Variants in DHX35 observed in about 807,000 individuals in gnomAD.
The protein encoded by DHX35 is probable ATP-dependent RNA helicase DHX35.
Under a neutral mutation model 99.6 loss-of-function variants are expected in DHX35, and 84 were observed. The observed-to-expected ratio is 0.84, with a 90% CI of 0.71 to 1.01. The LOEUF is 1.01. DHX35 is among the 50% of genes least tolerant of loss of function. The pLI is 0.00. For synonymous variants in DHX35, 331 were observed against 316.2 expected, an observed-to-expected ratio of 1.05 and a Z score of -0.50; for missense variants, 852 against 888.5, an observed-to-expected ratio of 0.96 and a Z score of 0.52.
At chr20:38,993,421 G>A (rs1029074102) in intron 7 of DHX35, among the ~76,000 whole-genome samples, 3 of 152,136 alleles carry the variant, frequency 2.0e-5, no homozygotes, top group Non-Finnish European at 4.4e-5. Flanking sequence ...ATACAATGGC[G>A]TGATCTTGGC....
intron 19 of DHX35, 127 bp downstream of exon 19, chr20:39,028,626 A>G: frequency 9.2e-7 from 1 of 1,085,418 alleles, no homozygotes; most frequent in South Asian, 1.5e-5. Context: ...TCTCCTTCCA[A>G]AACTGAGTTG....
At chr20:38,968,238 C>T (rs138886762) in intron 1 of DHX35, among the ~76,000 whole-genome samples, 13 of 152,230 alleles carry the variant, frequency 8.5e-5, no homozygotes, top group Middle Eastern at 3.4e-3. Flanking sequence ...TGCCGGCAGC[C>T]GTCTTTCCAG....
At position 39,023,749 on chromosome 20, in the gene DHX35, A is replaced by G. The variant is rs544025837; in HGVS notation, c.1653A>G (p.Ile551Met). The change falls in exon 17 of 22, where the codon ATA becomes ATG. Residue 551 changes from isoleucine to methionine, a missense_variant. Coordinates refer to ENST00000252011, the MANE Select transcript of DHX35 (RefSeq NM_021931.4). ...EEGDHLTMLN[I>M]YEAFIKHNKD... ...GCGACCACCTCACTATGCTCAATAT[A>G]TATGAAGCATTTATCAAAGTAAGCA... The G allele has an allele frequency of 7.4e-6, 12 of 1,614,026 alleles. No individual in the cohort carries two copies. Among genetic ancestry groups the G allele is most frequent in the Admixed American group, 5.0e-5 (3 of 60,022 alleles).
intron 4 of DHX35, among the ~76,000 whole-genome samples, chr20:38,986,507 C>T (rs2086251095): frequency 6.6e-6 from 1 of 152,092 alleles, no homozygotes; most frequent in African/African-American, 2.4e-5. Context: ...AATTTATGCT[C>T]ATTTTTTTAA....
At chr20:38,990,080 C>T (rs984560588) in intron 5 of DHX35, among the ~76,000 whole-genome samples, 3 of 152,142 alleles carry the variant, frequency 2.0e-5, no homozygotes, top group African/African-American at 7.2e-5. Flanking sequence ...GAATATTTTT[C>T]TGTACCATCA....
chr20:39,004,420 A>C (rs1442767094), intron 11 of DHX35, among the ~76,000 whole-genome samples: 1 of 152,218 alleles, frequency 6.6e-6, no homozygotes, highest in African/African-American at 2.4e-5. Flanking sequence ...AGTAGTTATC[A>C]GATCAGGTGA....
At chr20:38,970,889 TTA>T (rs1451300124) in intron 2 of DHX35, among the ~76,000 whole-genome samples, 1 of 145,242 alleles carries the variant, frequency 6.9e-6, no homozygotes, top group Non-Finnish European at 1.5e-5. Flanking sequence ...GTTTATGAAA[TTA>T]AAATGGTAAG....
At chr20:39,001,686 C>G (rs1568737316) in intron 8 of DHX35, 44 bp from the exon 9 acceptor site, 1 of 1,505,506 alleles carries the variant, frequency 6.6e-7, no homozygotes, top group East Asian at 2.3e-5. Context: ...CGCTACGAAC[C>G]TTTTTTTCTA....
intron 1 of DHX35, chr20:38,962,661 C>T (rs2085851323): frequency 5.8e-6 from 3 of 521,630 alleles, no homozygotes; most frequent in South Asian, 5.0e-5. Flanking sequence ...GCCTCGTCTT[C>T]CTCGTTACTG....
chr20:39,017,916 A>G (rs527712011), intron 14 of DHX35, among the ~76,000 whole-genome samples: 1 of 152,304 alleles, frequency 6.6e-6, no homozygotes, highest in East Asian at 1.9e-4. Flanking sequence ...AAGACCGGGT[A>G]ATTTATAAAG....
In DHX35 at chr20:39,010,327, C is replaced by T. The variant is rs778870843; in HGVS notation, c.1270C>T (p.Arg424Cys). 6.8e-6 allele frequency: 11 copies of T among 1,613,990 alleles called. No individual in the cohort carries two copies. Among genetic ancestry groups the T allele is most frequent in the Admixed American group, 1.7e-5 (1 of 59,990 alleles). ...LPQSTVPEMQ[R>C]SNLAPVILQL... ...TCAGTCTACGGTTCCTGAGATGCAG[C>T]GTAGTAATTTGGCACCTGTCATCCT... Residue 424 changes from arginine (R) to cysteine (C), a missense_variant, in exon 13 of 22, where the codon CGT becomes TGT. Transcript: ENST00000252011.
intron 3 of DHX35, chr20:38,978,087 A>G: frequency 5.3e-6 from 4 of 761,506 alleles, no homozygotes; most frequent in South Asian, 4.0e-5. Context: ...AGTGCTGTCC[A>G]CTAATATGCA....
At chr20:38,981,900 C>T (rs903727388) in intron 3 of DHX35, among the ~76,000 whole-genome samples, 1 of 147,576 alleles carries the variant, frequency 6.8e-6, no homozygotes, top group East Asian at 2.0e-4. Flanking sequence ...GCCGAGATCA[C>T]GCCATTGCAC....
chr20:39,015,155 C>T (rs1011346562), intron 14 of DHX35, among the ~76,000 whole-genome samples: 4 of 152,124 alleles, frequency 2.6e-5, no homozygotes, highest in South Asian at 4.1e-4. Context: ...CATGCCAGTT[C>T]GTCAGAAGCT....
rs367959565 is a variant in DHX35 at position 39,021,959 on chromosome 20, T to C, written c.1593+24T>C. Reference sequence around the variant, plus strand: ...CAGTAAGTCAGCTCTGTCCCCAGGCTGTCTGTACCAGTCTCTTTTGCTTTG... The same window carrying C: ...CAGTAAGTCAGCTCTGTCCCCAGGCCGTCTGTACCAGTCTCTTTTGCTTTG... On this transcript the variant is annotated intron_variant, in intron 16 of 21. Transcript: ENST00000252011. The C allele has an allele frequency of 2.4e-5, 39 of 1,611,100 alleles. No individual in the cohort carries two copies. The African/African-American group carries it at 4.7e-4, about 19-fold the overall frequency.
At chr20:38,996,629 G>A (rs1330056463) in intron 8 of DHX35, among the ~76,000 whole-genome samples, 1 of 152,162 alleles carries the variant, frequency 6.6e-6, no homozygotes, top group Non-Finnish European at 1.5e-5. Context: ...GTGAGATGTG[G>A]TCCCTGGCTC....
At chr20:39,005,058 CAGAT>C (rs2086590609) in intron 11 of DHX35, among the ~76,000 whole-genome samples, 4 of 150,256 alleles carry the variant, frequency 2.7e-5, no homozygotes, top group Admixed American at 1.3e-4. Flanking sequence ...TAATAACTTT[CAGAT>C]AGGTGGTTTT....
chr20:38,982,023 G>A (rs1365677518), intron 3 of DHX35, among the ~76,000 whole-genome samples: 1 of 151,118 alleles, frequency 6.6e-6, no homozygotes, highest in East Asian at 1.9e-4. Context: ...CTGAGTCTCA[G>A]TGAGCAGACT....
intron 17 of DHX35, among the ~76,000 whole-genome samples, chr20:39,024,041 C>T (rs1219644109): frequency 6.6e-6 from 1 of 152,202 alleles, no homozygotes; most frequent in Non-Finnish European, 1.5e-5. Context: ...CCCAGCCTCA[C>T]GTCATCTCAC....
Sources: allele counts gnomAD v4.1 joint callset (sites outside exome capture counted in the v4.1 genomes callset), GRCh38; gene constraint gnomAD v4.1.1; transcripts MANE v1.5; gene names NCBI Gene and HGNC (gene_info 2026-07-23, HGNC 2026-07-21).